The following BIRC6 variants were observed in gnomAD, a reference collection of about 807,000 sequenced individuals.
BIRC6 encodes the protein dual E2 ubiquitin-conjugating enzyme/E3 ubiquitin-protein ligase BIRC6.
BIRC6 carries 98 observed loss-of-function variants against 503.3 expected under a neutral mutation model. The ratio of observed to expected loss-of-function variants is 0.19; its 90% confidence interval spans 0.17 to 0.23. The LOEUF (loss-of-function observed/expected upper bound fraction) is 0.23. BIRC6 is among the 10% of genes least tolerant of loss of function. The probability of loss-of-function intolerance (pLI) is 1.00; values close to 1 mark genes in which losing one functional copy is unlikely to be tolerated. For missense variants in BIRC6, 5,360 were observed against 5,806.0 expected, an observed-to-expected ratio of 0.92 and a Z score of 2.50; for synonymous variants, 2,240 against 2,078.7, an observed-to-expected ratio of 1.08 and a Z score of -2.11.
chr2:32,482,418 A>T lies in BIRC6; in HGVS notation c.7543-11A>T, dbSNP rs1366156391. 6.9e-6 allele frequency: 11 copies of T among 1,599,534 alleles called. No homozygotes were observed. In the Admixed American group the frequency reaches 8.7e-5, roughly 13 times the overall value. The stretch of plus-strand genomic sequence containing the variant: ...AAAAATAAACCACAGTTTTTTTTCC[A>T]TTCTTTTAAGCCAATAAGCAGTACA... On this transcript the variant is annotated splice_polypyrimidine_tract_variant and intron_variant, in intron 38 of 73. Transcript: ENST00000421745.
chr2:32,597,566 G>GGCAGT (rs2061755087), intron 68 of BIRC6, among the ~76,000 whole-genome samples, 185 bp from the exon 69 acceptor site: 1 of 152,034 alleles, frequency 6.6e-6, no homozygotes, highest in South Asian at 2.1e-4. Flanking sequence ...CCATCCATCT[G>GGCAGT]GCAGTGCTAA....
At chr2:32,466,429 TGAGATCCATTA>T (rs1222593215) in intron 26 of BIRC6, among the ~76,000 whole-genome samples, 1 of 152,230 alleles carries the variant, frequency 6.6e-6, no homozygotes, top group Non-Finnish European at 1.5e-5. Context: ...AAGCATTGTT[TGAGATCCATTA>T]GAGGACCTTC....
chr2:32,407,590 T>C (rs1161982674), intron 9 of BIRC6, among the ~76,000 whole-genome samples: 3 of 152,172 alleles, frequency 2.0e-5, no homozygotes, highest in Non-Finnish European at 4.4e-5. Context: ...TATGGACATA[T>C]ATAACTTAAA....
intron 49 of BIRC6, among the ~76,000 whole-genome samples, chr2:32,504,571 G>A (rs1162042421): frequency 6.6e-6 from 1 of 152,030 alleles, no homozygotes; most frequent in African/African-American, 2.4e-5. Flanking sequence ...GGAGGCTGAG[G>A]CAGGAGAATG....
intron 22 of BIRC6, chr2:32,449,143 G>T: frequency 2.4e-6 from 1 of 414,290 alleles, no homozygotes; most frequent in Non-Finnish European, 4.1e-6. Context: ...TATTTGAAAG[G>T]GTTGTGACTT....
intron 38 of BIRC6, 35 bp downstream of exon 38, chr2:32,481,488 C>T (rs374164966): frequency 5.0e-5 from 76 of 1,535,148 alleles, no homozygotes; most frequent in African/African-American, 3.6e-4. Context: ...GAAAGGAGGC[C>T]GGGCGCAGTG....
At chr2:32,569,611 G>A (rs923169934) in intron 65 of BIRC6, among the ~76,000 whole-genome samples, 1 of 150,062 alleles carries the variant, frequency 6.7e-6, no homozygotes, top group African/African-American at 2.4e-5. Context: ...GACCCGAGCT[G>A]TCTTCCAGCC....
intron 65 of BIRC6, chr2:32,557,601 G>C (rs1434877964): frequency 6.6e-6 from 1 of 152,208 alleles, no homozygotes; most frequent in Non-Finnish European, 1.5e-5. Context: ...ACCCTGGGAT[G>C]TATGTCTTAA....
chr2:32,501,465 C>T (rs575810688), intron 46 of BIRC6, among the ~76,000 whole-genome samples: 66 of 152,182 alleles, frequency 4.3e-4, no homozygotes, highest in African/African-American at 1.5e-3. Context: ...AGAGTCCATT[C>T]GGGTTATGTG....
At chr2:32,594,747 T>C (rs936887777) in intron 67 of BIRC6, among the ~76,000 whole-genome samples, 4 of 148,388 alleles carry the variant, frequency 2.7e-5, no homozygotes, top group African/African-American at 1.1e-4. Flanking sequence ...TGGATAGATA[T>C]TTTCCTATGT....
chr2:32,543,623 ATTTATTTCCTTCATAGTTAAGCTG>A, intron 62 of BIRC6, 82 bp downstream of exon 62: 1 of 1,338,956 alleles, frequency 7.5e-7, no homozygotes. Flanking sequence ...ATTATTCATC[ATTTATTTCCTTCATAGTTAAGCTG>A]TTAGATGATT....
Position 32,599,326 on chromosome 2 carries a change from T to TAA in BIRC6, c.13831-397_13831-396dup, listed in dbSNP as rs61611664. ...CCTGGGCCACCAAGTGAGACTGTCTTAAAAAAAAAAAAAAAAAGCTGTTCT... is the reference window on the plus strand; with the variant it reads ...CCTGGGCCACCAAGTGAGACTGTCTTAAAAAAAAAAAAAAAAAAAGCTGTTCT... On this transcript the variant is annotated intron_variant, in intron 69 of 73. Coordinates refer to ENST00000421745, the MANE Select transcript of BIRC6 (RefSeq NM_016252.4). 1.2e-3 allele frequency among the ~76,000 whole-genome samples: 149 copies of TAA among 121,652 alleles called. 1 individual carries two copies. Among genetic ancestry groups the TAA allele is most frequent in the African/African-American group, 4.7e-3 (140 of 30,042 alleles). The allele number at this position is 121,652 out of a possible 152,430, so 79.8% of individuals were successfully genotyped here. A position where few individuals can be genotyped will look rare whatever the true frequency, so the allele number is the denominator to read the frequency against.
rs757137580 is a variant in BIRC6, at chr2:32,468,480, A to C, written c.5824A>C (p.Ile1942Leu). The part of the protein sequence containing the change: ...CHRLETLLQS[I>L]DLPPLNSANN... ...TCGTCTGGAAACCCTTTTGCAAAGT[A>C]TTGATCTTCCTCCTCTAAACAGTGC... is the stretch of plus-strand genomic sequence containing the variant. The change falls in exon 29 of 74, where the codon ATT becomes CTT. Residue 1942 changes from isoleucine to leucine, a missense_variant. Coordinates refer to ENST00000421745, the MANE Select transcript of BIRC6 (RefSeq NM_016252.4). 1.2e-6 allele frequency: 2 copies of C among 1,606,552 alleles called. No individual in the cohort carries two copies. Among genetic ancestry groups the C allele is most frequent in the Non-Finnish European group, 1.7e-6 (2 of 1,175,698 alleles).
At chr2:32,439,186 T>TGTGTGTGC (rs2045111341) in intron 15 of BIRC6, among the ~76,000 whole-genome samples, 1 of 151,702 alleles carries the variant, frequency 6.6e-6, no homozygotes, top group African/African-American at 2.4e-5. Context: ...TGTGTGTGTG[T>TGTGTGTGC]GTGCGTGTGT....
intron 10 of BIRC6, among the ~76,000 whole-genome samples, chr2:32,419,454 A>G (rs938014778): frequency 5.9e-5 from 9 of 152,210 alleles, no homozygotes; most frequent in East Asian, 1.9e-4. Context: ...TGTAAAAGGC[A>G]TAAAATAAAA....
chr2:32,514,200 A>C (rs183297761), intron 54 of BIRC6, among the ~76,000 whole-genome samples: 2 of 152,306 alleles, frequency 1.3e-5, no homozygotes, highest in Non-Finnish European at 2.9e-5. Flanking sequence ...ATGTTCCTCT[A>C]TCCCTAACTA....
At chr2:32,532,057 G>T in intron 61 of BIRC6, 2 of 517,140 alleles carry the variant, frequency 3.9e-6, no homozygotes, top group Admixed American at 2.0e-5. Flanking sequence ...TAGGAAGTAT[G>T]GTGCATGGAG....
rs764789666 is a variant in BIRC6, at chr2:32,545,756, C to A, written c.12706C>A (p.Arg4236=). Residue 4236 remains arginine, a synonymous_variant, in exon 63 of 74, where the codon CGG becomes AGG. Coordinates refer to ENST00000421745, the MANE Select transcript of BIRC6 (RefSeq NM_016252.4). ...AACTGATGATGGTGTACTTCTAAGG[C>A]GGATGGCATTGGAAATTGGAGCCTT... is the stretch of plus-strand genomic sequence containing the variant. ...LTTDDGVLLR[R]MALEIGALHL... The A allele has an allele frequency of 1.2e-6, 2 of 1,613,804 alleles. No individual in the cohort carries two copies. The highest frequency in any genetic ancestry group is 3.3e-5 in the Admixed American group (2 of 59,998).
intron 54 of BIRC6, among the ~76,000 whole-genome samples, chr2:32,514,078 T>C (rs528239818): frequency 6.6e-6 from 1 of 152,106 alleles, no homozygotes; most frequent in East Asian, 1.9e-4. Context: ...AAAATAACTT[T>C]GGGGAGCTGA....
Sources: gnomAD v4.1 joint callset for allele counts (sites outside exome capture counted in the v4.1 genomes callset) on GRCh38, gnomAD v4.1.1 for gene constraint, MANE v1.5 for transcripts, NCBI Gene and HGNC (gene_info 2026-07-23, HGNC 2026-07-21) for gene names.